The following CSMD1 variants were observed in gnomAD, a reference collection of about 807,000 sequenced individuals.
CSMD1 encodes the protein CUB and sushi domain-containing protein 1.
In CSMD1, 213 loss-of-function variants were observed where a neutral mutation model predicts 417.5. That is an observed-to-expected ratio of 0.51 (90% confidence interval 0.46 to 0.57). CSMD1 has a LOEUF of 0.57. CSMD1 is among the 20% of genes least tolerant of loss of function. CSMD1 has a pLI of 0.00. For missense variants in CSMD1, 6,923 were observed against 4,529.7 expected, an observed-to-expected ratio of 1.53 and a Z score of -15.17; for synonymous variants, 2,862 against 1,736.8, an observed-to-expected ratio of 1.65 and a Z score of -16.11.
chr8:3,825,671 C>A (rs1419140076), intron 5 of CSMD1, among the ~76,000 whole-genome samples: 1 of 152,126 alleles, frequency 6.6e-6, no homozygotes, highest in Non-Finnish European at 1.5e-5. Flanking sequence ...AAGTTTTACT[C>A]TCTAGGCTCA....
chr8:3,475,875 C>A (rs1475167697), intron 11 of CSMD1, among the ~76,000 whole-genome samples: 1 of 152,208 alleles, frequency 6.6e-6, no homozygotes, highest in Non-Finnish European at 1.5e-5. Context: ...CTTTCCAATG[C>A]AAATGTGTCA....
At chr8:4,735,096 C>T (rs902796202) in intron 1 of CSMD1, among the ~76,000 whole-genome samples, 7 of 152,188 alleles carry the variant, frequency 4.6e-5, no homozygotes, top group Non-Finnish European at 7.4e-5. Context: ...GGAAAGTTTC[C>T]GCAGGGAAGA....
chr8:4,988,583 T>C (rs921954174), intron 1 of CSMD1, among the ~76,000 whole-genome samples: 2 of 152,260 alleles, frequency 1.3e-5, no homozygotes, highest in Admixed American at 6.5e-5. Flanking sequence ...CTTGGTGGAA[T>C]GTTTACAACA....
intron 1 of CSMD1, among the ~76,000 whole-genome samples, chr8:4,792,164 T>C (rs184623198): frequency 6.6e-6 from 1 of 152,274 alleles, no homozygotes; most frequent in East Asian, 1.9e-4. Flanking sequence ...CCTTCCTATC[T>C]TTCTTTCCCA....
At chr8:3,981,218 T>G (rs1414042728) in intron 5 of CSMD1, among the ~76,000 whole-genome samples, 1 of 152,154 alleles carries the variant, frequency 6.6e-6, no homozygotes, top group Admixed American at 6.6e-5. Context: ...GAACATGCAA[T>G]TATTCTAAGT....
At chr8:4,994,021 A>T (rs1308052056) in intron 1 of CSMD1, among the ~76,000 whole-genome samples, 1 of 152,000 alleles carries the variant, frequency 6.6e-6, no homozygotes, top group Non-Finnish European at 1.5e-5. Context: ...CCGGCGGAGC[A>T]CAGTTCCAGC....
chr8:4,066,096 G>C (rs1033233468), intron 3 of CSMD1, among the ~76,000 whole-genome samples: 2 of 152,308 alleles, frequency 1.3e-5, no homozygotes, highest in African/African-American at 4.8e-5. Context: ...AATGAAAACA[G>C]TTCTGAGCTT....
chr8:4,856,577 C>G (rs1214082512), intron 1 of CSMD1, among the ~76,000 whole-genome samples: 2 of 141,440 alleles, frequency 1.4e-5, no homozygotes, highest in African/African-American at 5.6e-5. Context: ...GAAGATCTAC[C>G]AAGCCAATGG....
At chr8:4,326,131 C>T (rs1799551562) in intron 3 of CSMD1, among the ~76,000 whole-genome samples, 1 of 152,142 alleles carries the variant, frequency 6.6e-6, no homozygotes, top group African/African-American at 2.4e-5. Context: ...GTCAGCGTTT[C>T]TGAAATATTC....
At chr8:3,445,544 A>G (rs530658521) in intron 12 of CSMD1, among the ~76,000 whole-genome samples, 15 of 152,200 alleles carry the variant, frequency 9.9e-5, no homozygotes, top group South Asian at 2.1e-4. Flanking sequence ...ATTTTTTTTT[A>G]ATAGAACAGA....
chr8:3,420,599 C>A (rs1180295667), intron 12 of CSMD1, among the ~76,000 whole-genome samples: 1 of 152,102 alleles, frequency 6.6e-6, no homozygotes, highest in East Asian at 1.9e-4. Flanking sequence ...CCTAAAACTA[C>A]TTTAAAATCA....
In CSMD1 at chr8:4,374,898, T is replaced by C. The variant is rs1317939018; in HGVS notation, c.415+45055A>G. ...GGACATGAAGCTGAAGAAGAGCCAA[T>C]GATCTGTTCCAGGTTTCTAATCAGA... On this transcript the variant is annotated intron_variant, in intron 3 of 69. Transcript: ENST00000635120. Among the ~76,000 whole-genome samples, 5 of 139,178 alleles carry C rather than the reference T, an allele frequency of 3.6e-5. No homozygotes were observed. The Admixed American group carries it at 4.1e-4, about 11-fold the overall frequency. The allele number at this position is 139,178 out of a possible 152,430, so 91.3% of individuals were successfully genotyped here.
intron 1 of CSMD1, among the ~76,000 whole-genome samples, chr8:4,884,155 T>G (rs2116969586): frequency 6.6e-6 from 1 of 152,182 alleles, no homozygotes; most frequent in Non-Finnish European, 1.5e-5. Flanking sequence ...CACCTTTTGC[T>G]TCTTTTAAAA....
Position 4,972,754 on chromosome 8 carries a change from T to C in CSMD1, c.85+21578A>G, listed in dbSNP as rs1438905677. ...TGAGTTTTGAAGATTACCAACACAT[T>C]TTCCAGCTATCTAAATGACAGGCAT... On this transcript the variant is annotated intron_variant, in intron 1 of 69. Coordinates refer to ENST00000635120, the MANE Select transcript of CSMD1 (RefSeq NM_033225.6). Among the ~76,000 whole-genome samples, 9 of 145,286 alleles carry C rather than the reference T, an allele frequency of 6.2e-5. No homozygotes were observed. In the South Asian group the frequency reaches 1.3e-3, roughly 20 times the overall value.
At chr8:3,821,033 C>T (rs147908858) in intron 5 of CSMD1, among the ~76,000 whole-genome samples, 148 of 152,238 alleles carry the variant, frequency 9.7e-4, no homozygotes, top group African/African-American at 1.4e-3. Flanking sequence ...TCTCCCGCCT[C>T]AGCCTCCCCA....
At chr8:4,283,699 G>A (rs1796911005) in intron 3 of CSMD1, among the ~76,000 whole-genome samples, 1 of 152,054 alleles carries the variant, frequency 6.6e-6, no homozygotes, top group African/African-American at 2.4e-5. Flanking sequence ...TTTTTGAGAA[G>A]CACACACTTT....
chr8:3,696,524 T>C (rs1196627715), intron 7 of CSMD1, among the ~76,000 whole-genome samples: 2 of 152,212 alleles, frequency 1.3e-5, no homozygotes, highest in African/African-American at 4.8e-5. Context: ...AGCAAATCAA[T>C]ATAATCATTT....
intron 5 of CSMD1, among the ~76,000 whole-genome samples, chr8:3,967,008 T>C (rs2627473): frequency 0.55 from 83,056 of 151,886 alleles, 23,008 homozygotes; most frequent in East Asian, 0.79. Flanking sequence ...AGAGTGTCAA[T>C]TGGTGAAATA....
intron 53 of CSMD1, among the ~76,000 whole-genome samples, chr8:2,999,106 A>C (rs1284721832): frequency 6.6e-6 from 1 of 152,004 alleles, no homozygotes; most frequent in East Asian, 1.9e-4. Context: ...TATACAGCTC[A>C]AGGTTGATCA....
Sources: gnomAD v4.1 joint callset for allele counts (sites outside exome capture counted in the v4.1 genomes callset) on GRCh38, gnomAD v4.1.1 for gene constraint, MANE v1.5 for transcripts, NCBI Gene and HGNC (gene_info 2026-07-23, HGNC 2026-07-21) for gene names.